Variants in RFX3 observed in about 807,000 individuals in gnomAD.
RFX3 encodes regulatory factor X3.
A neutral mutation model predicts 98.6 loss-of-function variants in RFX3; 14 were observed. The observed-to-expected ratio is 0.14, with a 90% CI of 0.09 to 0.22. The LOEUF (loss-of-function observed/expected upper bound fraction) is 0.22. Among genes scored for constraint, RFX3 ranks in the 10% least tolerant of loss-of-function variants. The pLI is 1.00. For missense variants in RFX3, 639 were observed against 926.9 expected (o/e 0.69, Z 4.03); for synonymous variants, 383 against 328.4 (o/e 1.17, Z -1.80).
chr9:3,403,775 A>G (rs920549586), intron 1 of RFX3, among the ~76,000 whole-genome samples: 1 of 152,198 alleles, frequency 6.6e-6, no homozygotes, highest in Non-Finnish European at 1.5e-5. Flanking sequence ...GATTGGCTTA[A>G]AAGGCAGCAT....
chr9:3,387,722 T>C (rs1192443508), intron 2 of RFX3, among the ~76,000 whole-genome samples: 5 of 152,070 alleles, frequency 3.3e-5, no homozygotes, highest in Admixed American at 6.6e-5. Context: ...ATGAGAACAC[T>C]GTCCCCCCTC....
At chr9:3,328,699 G>C (rs1832216190) in intron 4 of RFX3, among the ~76,000 whole-genome samples, 1 of 152,106 alleles carries the variant, frequency 6.6e-6, no homozygotes, top group Admixed American at 6.6e-5. Context: ...AAAAGGCACT[G>C]AATGATGAAA....
intron 1 of RFX3, among the ~76,000 whole-genome samples, chr9:3,503,256 C>A (rs1816247823): frequency 6.6e-6 from 1 of 152,038 alleles, no homozygotes; most frequent in South Asian, 2.1e-4. Context: ...ACCGGCCTTT[C>A]AGGATAGAAA....
intron 3 of RFX3, among the ~76,000 whole-genome samples, chr9:3,336,686 G>T (rs1202618098): frequency 2.0e-5 from 3 of 152,132 alleles, no homozygotes; most frequent in African/African-American, 7.2e-5. Context: ...AGAAAGAAAT[G>T]AGGTTAAGGA....
chr9:3,520,435 T>C (rs1256081784), intron 1 of RFX3, among the ~76,000 whole-genome samples: 3 of 152,212 alleles, frequency 2.0e-5, no homozygotes, highest in African/African-American at 7.2e-5. Flanking sequence ...GTATGTCTTT[T>C]AGAGTATATA....
intron 2 of RFX3, among the ~76,000 whole-genome samples, chr9:3,371,483 G>A (rs2131561874): frequency 6.6e-6 from 1 of 152,122 alleles, no homozygotes; most frequent in East Asian, 1.9e-4. Context: ...TAATTTCAGT[G>A]ATCTGTATAA....
intron 2 of RFX3, among the ~76,000 whole-genome samples, chr9:3,382,889 T>C (rs540101016): frequency 5.9e-5 from 9 of 152,266 alleles, no homozygotes; most frequent in Non-Finnish European, 1.2e-4. Context: ...AGAGCTCTTA[T>C]TGCTTAGAAT....
At chr9:3,376,417 T>C (rs1459209744) in intron 2 of RFX3, among the ~76,000 whole-genome samples, 1 of 152,066 alleles carries the variant, frequency 6.6e-6, no homozygotes, top group East Asian at 1.9e-4. Flanking sequence ...TGTTCAACAA[T>C]AGGTGAATGG....
chr9:3,398,466 A>G (rs1841125948), intron 1 of RFX3, among the ~76,000 whole-genome samples: 1 of 152,246 alleles, frequency 6.6e-6, no homozygotes, highest in Non-Finnish European at 1.5e-5. Flanking sequence ...TTCTGCAAAG[A>G]ATAAGGAATG....
At chr9:3,482,394 T>C (rs532786096) in intron 1 of RFX3, among the ~76,000 whole-genome samples, 1 of 152,118 alleles carries the variant, frequency 6.6e-6, no homozygotes, top group African/African-American at 2.4e-5. Flanking sequence ...CAAGCAGATA[T>C]GTAGTCATCT....
chr9:3,267,894 T>C (rs1476256687), intron 11 of RFX3, among the ~76,000 whole-genome samples: 1 of 151,926 alleles, frequency 6.6e-6, no homozygotes. Context: ...TTTCCTACAA[T>C]TAGTGTACAT....
chr9:3,485,065 C>T lies in RFX3; in HGVS notation c.-9+40682G>A, dbSNP rs114424760. Among the ~76,000 whole-genome samples the T allele has an allele frequency of 6.5e-3, 995 of 152,010 alleles. 9 individuals carry two copies. Among genetic ancestry groups the T allele is most frequent in the African/African-American group, 0.023 (953 of 41,476 alleles). ...AGTTCAAGGCTTCAGTGAACTATGA[C>T]GGTATCACCGCACTCCAGTCTGGGA... is the stretch of plus-strand genomic sequence containing the variant. On this transcript the variant is annotated intron_variant, in intron 1 of 16. Transcript: ENST00000617270.
At chr9:3,457,139 CAAA>C (rs1169959832) in intron 1 of RFX3, among the ~76,000 whole-genome samples, 154 of 22,692 alleles carry the variant, frequency 6.8e-3, no homozygotes, top group Admixed American at 8.4e-3. Context: ...GACTCCATCT[CAAA>C]AAAAAAAAAA....
intron 4 of RFX3, among the ~76,000 whole-genome samples, chr9:3,319,506 T>A (rs1427093604): frequency 6.6e-6 from 1 of 152,202 alleles, no homozygotes; most frequent in African/African-American, 2.4e-5. Flanking sequence ...ATGATTCTCT[T>A]TCACTCTCTT....
At chr9:3,459,212 T>C (rs1163046131) in intron 1 of RFX3, among the ~76,000 whole-genome samples, 1 of 152,170 alleles carries the variant, frequency 6.6e-6, no homozygotes, top group Non-Finnish European at 1.5e-5. Context: ...AACTGAACAC[T>C]ACAGGCAATG....
intron 11 of RFX3, among the ~76,000 whole-genome samples, chr9:3,270,030 A>T (rs1300148648): frequency 6.6e-6 from 1 of 150,772 alleles, no homozygotes; most frequent in Non-Finnish European, 1.5e-5. Flanking sequence ...TGTTATATCT[A>T]CAGGTTGGCT....
At chr9:3,366,892 A>G (rs1837274580) in intron 2 of RFX3, among the ~76,000 whole-genome samples, 1 of 151,918 alleles carries the variant, frequency 6.6e-6, no homozygotes, top group Non-Finnish European at 1.5e-5. Context: ...GTTTCCCCAT[A>G]TCCTTTGTAG....
chr9:3,525,618 C>T (rs1416254631), intron 1 of RFX3, 129 bp downstream of exon 1: 2 of 153,488 alleles, frequency 1.3e-5, no homozygotes, highest in African/African-American at 4.8e-5. Context: ...GCGGCAGCCC[C>T]CGTGTCAGGA....
rs561875559 is a variant in RFX3, at chr9:3,244,688, A to G, written c.1968+3344T>C. 2.0e-5 allele frequency among the ~76,000 whole-genome samples: 3 copies of G among 152,160 alleles called. No homozygotes were observed. In the East Asian group the frequency reaches 5.8e-4, roughly 29 times the overall value. On this transcript the variant is annotated intron_variant, in intron 15 of 16. Transcript: ENST00000617270. Reference sequence around the variant, plus strand: ...TCCTTTAGTTCTTACCTCAAACATCACTTCCTTGGGAAAGACTTCCCTGGT... The same window carrying G: ...TCCTTTAGTTCTTACCTCAAACATCGCTTCCTTGGGAAAGACTTCCCTGGT...
Sources: gnomAD v4.1 joint callset for allele counts (sites outside exome capture counted in the v4.1 genomes callset) on GRCh38, gnomAD v4.1.1 for gene constraint, MANE v1.5 for transcripts, NCBI Gene and HGNC (gene_info 2026-07-23, HGNC 2026-07-21) for gene names.